Variants in RIPPLY3 observed in about 807,000 individuals in gnomAD.
RIPPLY3 encodes ripply transcriptional repressor 3.
In RIPPLY3, 8 loss-of-function variants were observed where a neutral mutation model predicts 11.9. That is an observed-to-expected ratio of 0.67 (90% CI 0.40 to 1.21). The LOEUF is 1.21. Among genes scored for constraint, RIPPLY3 ranks in the 50% most tolerant of loss-of-function variants. RIPPLY3 has a pLI of 0.01. For missense variants in RIPPLY3, 271 were observed against 246.0 expected, an observed-to-expected ratio of 1.10 and a Z score of -0.68; for synonymous variants, 102 against 99.0, an observed-to-expected ratio of 1.03 and a Z score of -0.18.
intron 3 of RIPPLY3, among the ~76,000 whole-genome samples, chr21:37,014,302 G>C (rs1224837393): frequency 6.6e-6 from 1 of 151,978 alleles, no homozygotes; most frequent in Non-Finnish European, 1.5e-5. Context: ...TGGGCGACAA[G>C]AGCGAAACTC....
At position 37,018,267 on chromosome 21, in the gene RIPPLY3, AC is replaced by A; in HGVS notation, c.*63del. ...CTGCCCCTCACGTTCTCTTGGGGAC[AC>A]CCGAGCCAGGACACTACGCATCCCT... On this transcript the variant is annotated 3_prime_UTR_variant, in exon 4 of 4. Transcript: ENST00000329553. 1 of 1,450,460 alleles carries A rather than the reference AC, an allele frequency of 6.9e-7. No homozygotes were observed. The allele number at this position is 1,450,460 out of a possible 1,614,324, so 89.8% of individuals were successfully genotyped here. A position where few individuals can be genotyped will look rare whatever the true frequency, so the allele number is the denominator to read the frequency against.
intron 3 of RIPPLY3, among the ~76,000 whole-genome samples, chr21:37,016,387 C>G (rs192297800): frequency 1.9e-4 from 29 of 152,286 alleles, no homozygotes; most frequent in African/African-American, 7.0e-4. Flanking sequence ...AAAAAACTAT[C>G]ATCCATTATT....
Position 37,018,252 on chromosome 21 carries a change from C to T in RIPPLY3, c.*45C>T, listed in dbSNP as rs764526598. 62 of 1,533,420 alleles carry T rather than the reference C, an allele frequency of 4.0e-5. No homozygotes were observed. The highest frequency in any genetic ancestry group is 5.4e-5 in the Non-Finnish European group (60 of 1,109,500). 95.0% of individuals were successfully genotyped at this position (1,533,420 alleles called of 1,614,324 possible). ...GCCCTGCTCTGGGACCTGCCCCTCACGTTCTCTTGGGGACACCCGAGCCAG... is the reference window on the plus strand; with the variant it reads ...GCCCTGCTCTGGGACCTGCCCCTCATGTTCTCTTGGGGACACCCGAGCCAG... On this transcript the variant is annotated 3_prime_UTR_variant, in exon 4 of 4. Transcript: ENST00000329553.
At chr21:37,011,509 TG>T (rs1382152558) in intron 2 of RIPPLY3, among the ~76,000 whole-genome samples, 1 of 152,204 alleles carries the variant, frequency 6.6e-6, no homozygotes, top group East Asian at 1.9e-4. Flanking sequence ...AGATTGCTTG[TG>T]GCCATAAAGT....
Position 37,013,538 on chromosome 21 carries a change from T to A in RIPPLY3, c.172-13T>A. On this transcript the variant is annotated splice_polypyrimidine_tract_variant and intron_variant, in intron 2 of 3. Coordinates refer to ENST00000329553, the MANE Select transcript of RIPPLY3 (RefSeq NM_018962.3). ...TGCACTGTCTCTGTGTTTGTATGTG[T>A]CTGTCGTTACAGCTTGAACCTAGGG... 1 of 1,612,682 alleles carries A rather than the reference T, an allele frequency of 6.2e-7. No homozygotes were observed. The highest frequency in any genetic ancestry group is 8.5e-7 in the Non-Finnish European group (1 of 1,178,892).
chr21:37,009,531 G>A (rs1238022367), intron 2 of RIPPLY3, among the ~76,000 whole-genome samples: 2 of 152,162 alleles, frequency 1.3e-5, no homozygotes, highest in Admixed American at 6.5e-5. Context: ...TCTAAATAAT[G>A]TAAAATCCCT....
At position 37,010,134 on chromosome 21, in the gene RIPPLY3, G is replaced by C. The variant is rs373210580; in HGVS notation, c.171+1911G>C. On this transcript the variant is annotated intron_variant, in intron 2 of 3. Coordinates refer to ENST00000329553, the MANE Select transcript of RIPPLY3 (RefSeq NM_018962.3). ...CAAAAATGCCATTGGCTGGAGTGGC[G>C]GTGAAGAGGACTAACGCCTGGTGAC... Among the ~76,000 whole-genome samples, 34 of 152,280 alleles carry C rather than the reference G, an allele frequency of 2.2e-4. No homozygotes were observed. The South Asian group carries it at 4.1e-3, about 19-fold the overall frequency.
chr21:37,012,080 T>C (rs76133430), intron 2 of RIPPLY3, among the ~76,000 whole-genome samples: 9,068 of 151,688 alleles, frequency 0.06, 455 homozygotes, highest in African/African-American at 0.13. Flanking sequence ...GCGTGGAGAT[T>C]CACGGTGTCA....
intron 2 of RIPPLY3, among the ~76,000 whole-genome samples, chr21:37,009,804 G>A (rs1045854672): frequency 1.3e-5 from 2 of 152,324 alleles, no homozygotes; most frequent in African/African-American, 4.8e-5. Flanking sequence ...TGATCAGCAG[G>A]TAGCCTGTCA....
In RIPPLY3 at chr21:37,018,324, G is replaced by A; in HGVS notation, c.*117G>A. On this transcript the variant is annotated 3_prime_UTR_variant, in exon 4 of 4. Transcript: ENST00000329553. The stretch of plus-strand genomic sequence containing the variant: ...GTGTGCAGAGGCTAGAGGCTTCTCG[G>A]GCAGCCCCTGGCCTGCACACTACTC... The A allele has an allele frequency of 1.2e-6, 1 of 807,984 alleles. No homozygotes were observed. The highest frequency in any genetic ancestry group is 2.6e-5 in the East Asian group (1 of 38,142). 50.1% of individuals were successfully genotyped at this position (807,984 alleles called of 1,614,324 possible).
intron 2 of RIPPLY3, among the ~76,000 whole-genome samples, chr21:37,009,327 C>T (rs138081469): frequency 2.8e-4 from 43 of 151,510 alleles, no homozygotes; most frequent in African/African-American, 9.7e-4. Flanking sequence ...TATGGACTAA[C>T]GTGCAGTTAT....
At chr21:37,014,039 G>A (rs1307384622) in intron 3 of RIPPLY3, among the ~76,000 whole-genome samples, 1 of 152,142 alleles carries the variant, frequency 6.6e-6, no homozygotes, top group Non-Finnish European at 1.5e-5. Flanking sequence ...GTTGAGGGTG[G>A]ACATGGTGGC....
chr21:37,006,484 C>T (rs779657794), upstream of RIPPLY3: 13 of 292,536 alleles, frequency 4.4e-5, no homozygotes, highest in East Asian at 5.0e-4. This position sits in a 1 kb window ranked among gnomAD's most constrained non-coding sequence, Gnocchi z 5.2. Flanking sequence ...CCCGGCGCCA[C>T]CTCCTTGAGC....
At chr21:37,016,673 A>G (rs2146779820) in intron 3 of RIPPLY3, among the ~76,000 whole-genome samples, 1 of 152,154 alleles carries the variant, frequency 6.6e-6, no homozygotes, top group East Asian at 1.9e-4. Context: ...CTCTATGAAA[A>G]ATATAAAGAA....
rs116659784 is a variant in RIPPLY3 at position 37,013,505 on chromosome 21, G to A, written c.172-46G>A. On this transcript the variant is annotated intron_variant, in intron 2 of 3. Coordinates refer to ENST00000329553, the MANE Select transcript of RIPPLY3 (RefSeq NM_018962.3). ...TTAAAACCTCAGGATGTCACCTTCC[G>A]ACACTCCTGCACTGTCTCTGTGTTT... The A allele has an allele frequency of 7.2e-4, 1,099 of 1,535,748 alleles. 9 individuals carry two copies. In the African/African-American group the frequency reaches 0.012, roughly 17 times the overall value.
chr21:37,015,875 A>AT (rs1213665501), intron 3 of RIPPLY3, among the ~76,000 whole-genome samples: 24,510 of 121,906 alleles, frequency 0.2, 2,950 homozygotes, highest in South Asian at 0.34. Context: ...CACCCAGCTA[A>AT]TTTTTTTTTT....
chr21:37,008,258 C>A, intron 2 of RIPPLY3, 35 bp downstream of exon 2: 4 of 1,608,908 alleles, frequency 2.5e-6, no homozygotes, highest in Non-Finnish European at 3.4e-6. Flanking sequence ...GGTAACCCTT[C>A]CAGCCAGAAA....
chr21:37,015,370 G>C (rs1468680297), intron 3 of RIPPLY3, among the ~76,000 whole-genome samples: 1 of 152,032 alleles, frequency 6.6e-6, no homozygotes, highest in African/African-American at 2.4e-5. Flanking sequence ...CACCATGTTG[G>C]CCAGGCTGGT....
intron 1 of RIPPLY3, 113 bp from the exon 2 acceptor site, chr21:37,008,044 G>C: frequency 9.4e-7 from 1 of 1,062,290 alleles, no homozygotes; most frequent in South Asian, 1.5e-5. Flanking sequence ...TTCCTGGGGG[G>C]TCCGGTGCCT....
Sources: gnomAD v4.1 joint callset for allele counts (sites outside exome capture counted in the v4.1 genomes callset) on GRCh38, gnomAD v4.1.1 for gene constraint, Gnocchi (gnomAD v3.1) non-coding constraint, MANE v1.5 for transcripts, NCBI Gene and HGNC (gene_info 2026-07-23, HGNC 2026-07-21) for gene names.